OLA1: variants seen among roughly 807,000 people sequenced by gnomAD.
The protein encoded by OLA1 is Obg like ATPase 1, also known as obg-like ATPase 1.
In OLA1, 14 loss-of-function variants were observed where a neutral mutation model predicts 48.4. The observed-to-expected ratio is 0.29, with a 90% CI of 0.19 to 0.45. OLA1 has a LOEUF of 0.45. OLA1 is among the 20% of genes least tolerant of loss of function. The pLI is 1.00. For synonymous variants in OLA1, 127 were observed against 150.4 expected (o/e 0.84, Z 1.14); for missense variants, 325 against 467.1 (o/e 0.70, Z 2.80).
At position 174,223,015 on chromosome 2, in the gene OLA1, A is replaced by G. The variant is rs1243664196; in HGVS notation, c.373+18T>C. ...TGATCTGAATGAAATCAATGATTAA[A>G]TAAACAACTGTACTTACGTGTTAGA... On this transcript the variant is annotated intron_variant, in intron 4 of 10. Coordinates refer to ENST00000284719, the MANE Select transcript of OLA1 (RefSeq NM_013341.5). 2.5e-6 allele frequency: 4 copies of G among 1,590,068 alleles called. No individual in the cohort carries two copies. Among genetic ancestry groups the G allele is most frequent in the Non-Finnish European group, 3.4e-6 (4 of 1,169,078 alleles).
intron 5 of OLA1, among the ~76,000 whole-genome samples, chr2:174,130,254 G>A (rs1277677602): frequency 1.3e-5 from 2 of 152,124 alleles, no homozygotes; most frequent in East Asian, 3.9e-4. Context: ...CTGATCCCTG[G>A]ACAACATCTT....
intron 4 of OLA1, among the ~76,000 whole-genome samples, chr2:174,198,768 G>A (rs1398989311): frequency 6.6e-6 from 1 of 152,134 alleles, no homozygotes; most frequent in East Asian, 1.9e-4. Flanking sequence ...GTGATGGAGT[G>A]AGCCTCTGTC....
intron 8 of OLA1, 126 bp from the exon 9 acceptor site, chr2:174,081,374 C>T: frequency 3.0e-6 from 2 of 665,894 alleles, no homozygotes; most frequent in South Asian, 1.8e-5. Context: ...ATTCATCTTT[C>T]AGAATACACT....
chr2:174,142,934 C>T (rs1013333846), intron 4 of OLA1, among the ~76,000 whole-genome samples: 6 of 151,986 alleles, frequency 3.9e-5, no homozygotes, highest in Non-Finnish European at 5.9e-5. Flanking sequence ...ATTATAGTCC[C>T]AAAATGAGAT....
At chr2:174,165,444 A>G (rs1687139986) in intron 4 of OLA1, among the ~76,000 whole-genome samples, 2 of 152,162 alleles carry the variant, frequency 1.3e-5, no homozygotes, top group Admixed American at 1.3e-4. Context: ...AGCTAACAAC[A>G]ATCTTTTTCA....
At chr2:174,140,836 C>G (rs1574504243) in intron 5 of OLA1, among the ~76,000 whole-genome samples, 2 of 152,288 alleles carry the variant, frequency 1.3e-5, no homozygotes, top group African/African-American at 4.8e-5. Context: ...ACCCCAGCTT[C>G]TTTACTCTTG....
At chr2:174,152,227 T>C (rs920680309) in intron 4 of OLA1, among the ~76,000 whole-genome samples, 1 of 151,976 alleles carries the variant, frequency 6.6e-6, no homozygotes, top group Non-Finnish European at 1.5e-5. Flanking sequence ...GCCAACATAG[T>C]GAAACCCTGT....
intron 7 of OLA1, among the ~76,000 whole-genome samples, chr2:174,121,426 T>C (rs1006684187): frequency 6.6e-6 from 1 of 152,112 alleles, no homozygotes; most frequent in Non-Finnish European, 1.5e-5. Flanking sequence ...GGCTATGTGG[T>C]AAATTCTCTT....
chr2:174,151,578 A>C (rs1195102108), intron 4 of OLA1, among the ~76,000 whole-genome samples: 1 of 152,204 alleles, frequency 6.6e-6, no homozygotes, highest in African/African-American at 2.4e-5. Context: ...GTTAGAAATC[A>C]AGACAAGAAT....
intron 7 of OLA1, among the ~76,000 whole-genome samples, chr2:174,103,929 CAG>C (rs1685456242): frequency 6.6e-6 from 1 of 151,972 alleles, no homozygotes; most frequent in Non-Finnish European, 1.5e-5. Context: ...TGTGGAAGCA[CAG>C]AGTCATCCAT....
At chr2:174,137,741 G>T (rs1160172065) in intron 5 of OLA1, among the ~76,000 whole-genome samples, 4 of 152,184 alleles carry the variant, frequency 2.6e-5, no homozygotes, top group African/African-American at 9.7e-5. Context: ...CTTTTCTTCT[G>T]CAGCTTCCTC....
At chr2:174,236,937 A>C (rs577204318) in intron 2 of OLA1, among the ~76,000 whole-genome samples, 1 of 152,334 alleles carries the variant, frequency 6.6e-6, no homozygotes, top group South Asian at 2.1e-4. Context: ...ATTACTGCAC[A>C]CTACTGTAGA....
At chr2:174,099,094 T>C (rs1417658551) in intron 7 of OLA1, among the ~76,000 whole-genome samples, 1 of 152,078 alleles carries the variant, frequency 6.6e-6, no homozygotes, top group African/African-American at 2.4e-5. Context: ...GCAAATACCA[T>C]ACAAGAAATA....
At chr2:174,145,627 A>G (rs1686575829) in intron 4 of OLA1, among the ~76,000 whole-genome samples, 1 of 151,882 alleles carries the variant, frequency 6.6e-6, no homozygotes, top group Non-Finnish European at 1.5e-5. Flanking sequence ...TCTAAAGAGT[A>G]AAAAAAATTA....
intron 4 of OLA1, among the ~76,000 whole-genome samples, chr2:174,199,094 T>C (rs946663485): frequency 1.3e-5 from 2 of 152,174 alleles, no homozygotes; most frequent in South Asian, 2.1e-4. Context: ...AACAGAAGTA[T>C]GCATAAAATG....
intron 2 of OLA1, among the ~76,000 whole-genome samples, chr2:174,230,142 C>G (rs955012599): frequency 2.8e-4 from 42 of 151,868 alleles, no homozygotes; most frequent in African/African-American, 9.2e-4. Context: ...CTCACGTTAA[C>G]ATTTTTAAAA....
chr2:174,146,384 G>A (rs1466660490), intron 4 of OLA1, among the ~76,000 whole-genome samples: 1 of 152,186 alleles, frequency 6.6e-6, no homozygotes, highest in East Asian at 1.9e-4. Context: ...ACAAAGTTAG[G>A]AGGTGGCTTT....
At chr2:174,113,599 A>G (rs1426775031) in intron 7 of OLA1, among the ~76,000 whole-genome samples, 4 of 152,214 alleles carry the variant, frequency 2.6e-5, no homozygotes, top group African/African-American at 7.2e-5. Context: ...AAAAAAACCC[A>G]CAAATGTTGT....
rs564792636 is a variant in OLA1 at position 174,079,223 on chromosome 2, T to A, written c.967-133A>T. 12 of 634,574 alleles carry A rather than the reference T, an allele frequency of 1.9e-5. No homozygotes were observed. In the African/African-American group the frequency reaches 2.3e-4, roughly 12 times the overall value. 39.3% of individuals were successfully genotyped at this position (634,574 alleles called of 1,614,324 possible). On this transcript the variant is annotated intron_variant, in intron 9 of 10. Transcript: ENST00000284719. The stretch of plus-strand genomic sequence containing the variant: ...AATATCTGTTAAGATGTCAGGTATA[T>A]AATTAGTACATTTTCAACACTGGGT...
Sources: allele counts gnomAD v4.1 joint callset (sites outside exome capture counted in the v4.1 genomes callset), GRCh38; gene constraint gnomAD v4.1.1; transcripts MANE v1.5; gene names NCBI Gene and HGNC (gene_info 2026-07-23, HGNC 2026-07-21).